GNL2: variants seen among roughly 807,000 people sequenced by gnomAD.
The protein encoded by GNL2 is G protein nucleolar 2, also known as nucleolar GTP-binding protein 2.
GNL2 carries 51 observed loss-of-function variants against 92.3 expected under a neutral mutation model. The observed-to-expected ratio is 0.55, with a 90% CI of 0.44 to 0.70. GNL2 has a LOEUF of 0.70. Ranked by LOEUF, GNL2 falls within the 30% of genes least tolerant of loss-of-function variation. GNL2 has a pLI of 0.00. For missense variants in GNL2, 844 were observed against 895.6 expected, an observed-to-expected ratio of 0.94 and a Z score of 0.74; for synonymous variants, 283 against 300.6, an observed-to-expected ratio of 0.94 and a Z score of 0.61.
rs1383609950 is a variant in GNL2 at position 37,573,261 on chromosome 1, A to G, written c.1416+1082T>C. Reference sequence around the variant, plus strand: ...AGAATACATTCAACTGAAAATACCTAGCTGCAACTGCAACTTGGAATGGGG... The same window carrying G: ...AGAATACATTCAACTGAAAATACCTGGCTGCAACTGCAACTTGGAATGGGG... On this transcript the variant is annotated intron_variant, in intron 12 of 15. Transcript: ENST00000373062. Among the ~76,000 whole-genome samples the G allele has an allele frequency of 2.0e-5, 3 of 152,262 alleles. No individual in the cohort carries two copies. In the East Asian group the frequency reaches 5.8e-4, roughly 29 times the overall value.
At chr1:37,573,702 A>G (rs1643630957) in intron 12 of GNL2, among the ~76,000 whole-genome samples, 1 of 152,246 alleles carries the variant, frequency 6.6e-6, no homozygotes, top group Non-Finnish European at 1.5e-5. Context: ...AAGATCACTT[A>G]CATTTAATGA....
chr1:37,594,659 A>G (rs927224188), intron 1 of GNL2, among the ~76,000 whole-genome samples: 3 of 152,082 alleles, frequency 2.0e-5, no homozygotes, highest in African/African-American at 7.2e-5. Flanking sequence ...CTTCCACCTC[A>G]GCCTCCCGAG....
chr1:37,594,243 G>A (rs1178461003), intron 1 of GNL2, among the ~76,000 whole-genome samples: 1 of 152,192 alleles, frequency 6.6e-6, no homozygotes, highest in Admixed American at 6.5e-5. Flanking sequence ...GTTACTAAAT[G>A]GCAGAGCCAG....
intron 1 of GNL2, among the ~76,000 whole-genome samples, chr1:37,595,198 T>G (rs1272874870): frequency 6.6e-6 from 1 of 152,234 alleles, no homozygotes; most frequent in African/African-American, 2.4e-5. Context: ...TGGAAGGAAC[T>G]CTCCCATAGG....
chr1:37,574,774 A>G lies in GNL2; in HGVS notation c.1193T>C (p.Leu398Pro). The G allele has an allele frequency of 6.2e-7, 1 of 1,613,732 alleles. No individual in the cohort carries two copies. The highest frequency in any genetic ancestry group is 1.3e-5 in the African/African-American group (1 of 75,046). Residue 398 changes from leucine (L) to proline (P), a missense_variant, in exon 11 of 16, where the codon CTT (leucine) becomes CCT (proline). Transcript: ENST00000373062. ...GATATATTCTGGCTTTGCTCGTTCA[A>G]GTACAGCACCAATGTGGTCTTCAGG... ...KSPEDHIGAV[L>P]ERAKPEYISK...
chr1:37,592,828 T>C (rs764972879), intron 2 of GNL2, 22 bp from the exon 3 acceptor site: 15 of 1,352,818 alleles, frequency 1.1e-5, no homozygotes, highest in Non-Finnish European at 1.5e-5. Context: ...AAAGAACAGA[T>C]ATTGGTTGAC....
In GNL2 at chr1:37,575,144, C is replaced by G. The variant is rs988583671; in HGVS notation, c.1144-321G>C. Among the ~76,000 whole-genome samples, 6 of 152,068 alleles carry G rather than the reference C, an allele frequency of 3.9e-5. No homozygotes were observed. Among genetic ancestry groups the G allele is most frequent in the African/African-American group, 1.4e-4 (6 of 41,418 alleles). On this transcript the variant is annotated intron_variant, in intron 10 of 15. Coordinates refer to ENST00000373062, the MANE Select transcript of GNL2 (RefSeq NM_013285.3). The surrounding 1 kb of genome is among the most constrained non-coding windows in gnomAD (Gnocchi z 4.1). Reference sequence around the variant, plus strand: ...TTAAAAGCCTGCCCATCCCAGGACACAAAAATAATGGAATAGTTTAAGAAA... The same window carrying G: ...TTAAAAGCCTGCCCATCCCAGGACAGAAAAATAATGGAATAGTTTAAGAAA...
Position 37,582,864 on chromosome 1 carries a change from T to C in GNL2, c.709A>G (p.Ile237Val), listed in dbSNP as rs968717038. The C allele has an allele frequency of 2.5e-6, 4 of 1,612,306 alleles. No homozygotes were observed. The highest frequency in any genetic ancestry group is 3.4e-6 in the Non-Finnish European group (4 of 1,178,328). ...RDPMGTRSPH[I>V]ETYLKKEKPW... The stretch of plus-strand genomic sequence containing the variant: ...TTTTCCTTCTTCAGGTAAGTTTCAA[T>C]GTGAGGGGAACGAGTACCCATTGGA... The change falls in exon 7 of 16, where the codon ATT becomes GTT. Residue 237 changes from isoleucine to valine, a missense_variant. By Grantham distance (29) the Ile-to-Val change is conservative (BLOSUM62 3). Transcript: ENST00000373062.
chr1:37,567,689 G>A lies in GNL2; in HGVS notation c.2027C>T (p.Ala676Val), dbSNP rs771823024. The change falls in exon 15 of 16, where the codon GCG (alanine) becomes GTG (valine). Residue 676 changes from alanine to valine, a missense_variant. Transcript: ENST00000373062. ...GACACTTACTTCTTTTGATGTAAGC[G>A]CCCTGGGAGCTTTATTTGAATGTTC... Reference protein sequence around the residue: ...EQEHSNKAPRALTSKERRRAV... With the variant: ...EQEHSNKAPRVLTSKERRRAV... The A allele has an allele frequency of 3.4e-5, 54 of 1,611,044 alleles. No homozygotes were observed. The highest frequency in any genetic ancestry group is 1.6e-4 in the Middle Eastern group (1 of 6,080).
intron 14 of GNL2, 125 bp from the exon 15 acceptor site, chr1:37,567,889 T>C (rs928311680): frequency 5.5e-6 from 4 of 728,056 alleles, no homozygotes; most frequent in Admixed American, 2.2e-5. Flanking sequence ...GTGAGCACAG[T>C]GGTGAGTAAA....
At position 37,595,901 on chromosome 1, in the gene GNL2, G is replaced by T; in HGVS notation, c.-79C>A. On this transcript the variant is annotated 5_prime_UTR_variant, in exon 1 of 16. Coordinates refer to ENST00000373062, the MANE Select transcript of GNL2 (RefSeq NM_013285.3). ...AACTTTTATGTTCCCAAGCCCGGCC[G>T]AAGACACCCGCCTGAACCACGCCGG... 8.1e-7 allele frequency: 1 copy of T among 1,229,632 alleles called. No homozygotes were observed. The highest frequency in any genetic ancestry group is 1.2e-6 in the Non-Finnish European group (1 of 835,906). The allele number at this position is 1,229,632 out of a possible 1,614,324, so 76.2% of individuals were successfully genotyped here.
intron 12 of GNL2, among the ~76,000 whole-genome samples, chr1:37,573,953 G>C (rs1643635217): frequency 1.3e-5 from 2 of 152,140 alleles, no homozygotes; most frequent in South Asian, 4.1e-4. Context: ...AGAGTGCAGT[G>C]GCACGATCTC....
chr1:37,569,535 A>C, intron 12 of GNL2: 1 of 477,004 alleles, frequency 2.1e-6, no homozygotes, highest in Non-Finnish European at 3.7e-6. Context: ...TGAACCAACT[A>C]AGACTATTTA....
intron 4 of GNL2, among the ~76,000 whole-genome samples, chr1:37,588,444 T>G (rs1363927277): frequency 2.0e-5 from 3 of 152,172 alleles, no homozygotes; most frequent in Non-Finnish European, 4.4e-5. Context: ...TCAGATGCCC[T>G]AACCCACAAC....
At chr1:37,574,859 T>C (rs1643653656) in intron 10 of GNL2, 36 bp from the exon 11 acceptor site, 2 of 1,527,604 alleles carry the variant, frequency 1.3e-6, no homozygotes, top group Admixed American at 1.7e-5. Flanking sequence ...CTTACAAACT[T>C]TGTTGTGGAA....
rs1468405497 is a variant in GNL2, at chr1:37,592,705, T to C, written c.244+7A>G. The C allele has an allele frequency of 2.0e-6, 3 of 1,480,750 alleles. No homozygotes were observed. Among genetic ancestry groups the C allele is most frequent in the Non-Finnish European group, 9.4e-7 (1 of 1,058,554 alleles). 91.7% of individuals were successfully genotyped at this position (1,480,750 alleles called of 1,614,324 possible). On this transcript the variant is annotated splice_region_variant and intron_variant, in intron 3 of 15. Transcript: ENST00000373062. ...TGTAGAGCAAAGTAACAGGGGATAATACTCACCAAACCATTTAATATTTGG... is the reference window on the plus strand; with the variant it reads ...TGTAGAGCAAAGTAACAGGGGATAACACTCACCAAACCATTTAATATTTGG...
intron 1 of GNL2, chr1:37,594,163 T>A (rs1032586142): frequency 1.2e-4 from 26 of 221,666 alleles, no homozygotes; most frequent in African/African-American, 5.7e-4. Context: ...ATCCTATAGA[T>A]ATATTATCCC....
At chr1:37,587,595 C>A (rs1219308241) in intron 4 of GNL2, 100 bp from the exon 5 acceptor site, 8 of 767,574 alleles carry the variant, frequency 1.0e-5, no homozygotes, top group Non-Finnish European at 1.4e-5. Flanking sequence ...TTTTATTTTT[C>A]CAAGGTTCAA....
chr1:37,568,502 A>T (rs1643543146), intron 13 of GNL2, 145 bp from the exon 14 acceptor site: 1 of 624,696 alleles, frequency 1.6e-6, no homozygotes, highest in African/African-American at 1.8e-5. Flanking sequence ...AACATCCAAC[A>T]TGTTTGTACC....
Sources: allele counts gnomAD v4.1 joint callset (sites outside exome capture counted in the v4.1 genomes callset), GRCh38; gene constraint gnomAD v4.1.1; non-coding constraint Gnocchi (gnomAD v3.1); transcripts MANE v1.5; gene names NCBI Gene and HGNC (gene_info 2026-07-23, HGNC 2026-07-21).